The following GCC2 variants were observed in gnomAD, a reference collection of about 807,000 sequenced individuals.
GCC2 encodes GRIP and coiled-coil domain-containing protein 2.
GCC2 carries 120 observed loss-of-function variants against 210.6 expected under a neutral mutation model. That is an observed-to-expected ratio of 0.57 (90% CI 0.49 to 0.66). The LOEUF (loss-of-function observed/expected upper bound fraction) is 0.66. GCC2 is among the 30% of genes least tolerant of loss of function. The pLI, the probability that GCC2 is intolerant of heterozygous loss-of-function variation, is 0.00. For synonymous variants in GCC2, 703 were observed against 652.7 expected, an observed-to-expected ratio of 1.08 and a Z score of -1.17; for missense variants, 1,868 against 1,871.9, an observed-to-expected ratio of 1.00 and a Z score of 0.04.
chr2:108,481,727 G>C lies in GCC2; in HGVS notation c.3091G>C (p.Glu1031Gln), dbSNP rs1309185054. 1.9e-6 allele frequency: 3 copies of C among 1,601,788 alleles called. No homozygotes were observed. The African/African-American group carries it at 4.0e-5, about 22-fold the overall frequency. ...NLLLEYEKQS[E>Q]QLDVEKERAN... The stretch of plus-strand genomic sequence containing the variant: ...TTTATTAGAATATGAAAAGCAGTCA[G>C]AGCAACTGGATGTGGAAAAAGAACG... Residue 1031 changes from glutamate to glutamine, a missense_variant, in exon 10 of 23, where the codon GAG becomes CAG. Physicochemically the swap from Glu to Gln is conservative, Grantham distance 29. This residue lies in a region of GCC2 where 1,847 missense variants were observed against 1,765.2 expected (regional missense o/e 1.05). Transcript: ENST00000309863.
chr2:108,503,150 A>C (rs1683011718), intron 22 of GCC2, among the ~76,000 whole-genome samples: 2 of 145,248 alleles, frequency 1.4e-5, no homozygotes, highest in South Asian at 4.4e-4. Context: ...AAAACCCAAT[A>C]AAATCTCAAG....
intron 21 of GCC2, among the ~76,000 whole-genome samples, chr2:108,498,183 C>CTTTTTTTTTTTTTTTTTTTTTTTTTTT (rs3084885): frequency 1.7e-5 from 1 of 57,466 alleles, no homozygotes. Context: ...GTTATATTTT[C>CTTTTTTTTTTTTTTTTTTTTTTTTTTT]TTTTTTTTTT....
chr2:108,481,481 C>A (rs1190550556), intron 9 of GCC2, among the ~76,000 whole-genome samples: 1 of 151,962 alleles, frequency 6.6e-6, no homozygotes, highest in Non-Finnish European at 1.5e-5. Flanking sequence ...TTAAAATTTT[C>A]TTCTTCTTTC....
At chr2:108,469,136 C>A in intron 5 of GCC2, 52 bp downstream of exon 5, 1 of 1,049,350 alleles carries the variant, frequency 9.5e-7, no homozygotes, top group South Asian at 1.4e-5. Context: ...ATAGTGTAGT[C>A]ATTAATTTTA....
At position 108,454,100 on chromosome 2, in the gene GCC2, C is replaced by T. The variant is rs13408353; in HGVS notation, c.216+1634C>T. Among the ~76,000 whole-genome samples the T allele has an allele frequency of 9.3e-3, 1,415 of 152,228 alleles. 22 individuals are homozygous for T. Among genetic ancestry groups the T allele is most frequent in the Middle Eastern group, 0.031 (9 of 294 alleles). On this transcript the variant is annotated intron_variant, in intron 4 of 22. Coordinates refer to ENST00000309863, the MANE Select transcript of GCC2 (RefSeq NM_181453.4). ...CCGCCTCCTGGGTTGACGCCATTCT[C>T]CTGCCTCAGCCTCCCAAGTAGCTGG...
At chr2:108,484,420 G>GT in intron 13 of GCC2, 109 bp downstream of exon 13, 3 of 618,870 alleles carry the variant, frequency 4.8e-6, no homozygotes, top group Non-Finnish European at 8.3e-6. Context: ...TCAGTCAGGT[G>GT]TTTAACACAG....
rs1005737514 is a variant in GCC2, at chr2:108,484,245, A to G, written c.3547A>G (p.Ile1183Val). ...NQKLTNKNNK[I>V]EDLEQEIKIQ... ...AAAGTTAACTAATAAAAACAACAAG[A>G]TAGAAGATTTGGAGCAAGAAATAAA... The change falls in exon 13 of 23, where the codon ATA becomes GTA. Residue 1183 changes from isoleucine to valine, a missense_variant. Ile to Val is a conservative substitution (Grantham distance 29). Coordinates refer to ENST00000309863, the MANE Select transcript of GCC2 (RefSeq NM_181453.4). 1.9e-6 allele frequency: 3 copies of G among 1,576,868 alleles called. No homozygotes were observed. The highest frequency in any genetic ancestry group is 1.2e-5 in the South Asian group (1 of 86,380).
intron 9 of GCC2, among the ~76,000 whole-genome samples, chr2:108,476,439 A>G (rs1255027834): frequency 6.6e-6 from 1 of 152,128 alleles, no homozygotes; most frequent in Non-Finnish European, 1.5e-5. Flanking sequence ...CAAAAAGATA[A>G]CCTATTCCTA....
In GCC2 at chr2:108,451,037, T is replaced by C. The variant is rs1649010350; in HGVS notation, c.73T>C (p.Leu25=). 4 of 1,610,310 alleles carry C rather than the reference T, an allele frequency of 2.5e-6. No homozygotes were observed. In the East Asian group the frequency reaches 8.9e-5, roughly 36 times the overall value. ...TGACCACATCTTTCAGCTGGAAACATTGCCCAAAGAAGACCTCATCAAGTT... is the reference window on the plus strand; with the variant it reads ...TGACCACATCTTTCAGCTGGAAACACTGCCCAAAGAAGACCTCATCAAGTT... ...PGTGKSKLET[L]PKEDLIKFAK... The change falls in exon 3 of 23, where the codon TTG becomes CTG. Residue 25 remains leucine, a synonymous_variant. Transcript: ENST00000309863.
rs1485361240 is a variant in GCC2, at chr2:108,471,069, C to G, written c.1740C>G (p.Thr580=). The G allele has an allele frequency of 2.5e-6, 4 of 1,581,784 alleles. No individual in the cohort carries two copies. The South Asian group carries it at 4.5e-5, about 18-fold the overall frequency. Residue 580 remains threonine (T), a synonymous_variant, in exon 6 of 23, where the codon ACC becomes ACG. Coordinates refer to ENST00000309863, the MANE Select transcript of GCC2 (RefSeq NM_181453.4). ...TACTTAGTCTCAGTCAAAGAGATAC[C>G]ATGTTAAAAGAATTAGAAGGAAAGA... is the stretch of plus-strand genomic sequence containing the variant. ...VYLLSLSQRD[T]MLKELEGKIN...
intron 4 of GCC2, among the ~76,000 whole-genome samples, chr2:108,455,354 G>A (rs1050640287): frequency 6.6e-6 from 1 of 152,010 alleles, no homozygotes; most frequent in Non-Finnish European, 1.5e-5. Flanking sequence ...CAGAAGAATC[G>A]CTTGAACCGA....
chr2:108,472,782 G>A (rs1681304869), intron 6 of GCC2, 45 bp from the exon 7 acceptor site: 1 of 1,092,560 alleles, frequency 9.2e-7, no homozygotes, highest in Admixed American at 2.0e-5. Context: ...TTCTGATTCT[G>A]GTTTTTGTTT....
Position 108,468,067 on chromosome 2 carries a change from C to CT in GCC2, c.217-901dup, listed in dbSNP as rs55803150. ...AGTTATTCATAATAATTTTCTTTTT[C>CT]TTTTTTTTTTTTGACACATAGTCTT... is the stretch of plus-strand genomic sequence containing the variant. On this transcript the variant is annotated intron_variant, in intron 4 of 22. Coordinates refer to ENST00000309863, the MANE Select transcript of GCC2 (RefSeq NM_181453.4). Among the ~76,000 whole-genome samples the CT allele has an allele frequency of 6.1e-3, 886 of 144,716 alleles. 3 individuals carry two copies. The highest frequency in any genetic ancestry group is 0.021 in the African/African-American group (836 of 39,406). 94.9% of individuals were successfully genotyped at this position (144,716 alleles called of 152,430 possible).
chr2:108,481,426 TAATG>T (rs1328070652), intron 9 of GCC2, among the ~76,000 whole-genome samples: 2 of 152,220 alleles, frequency 1.3e-5, no homozygotes, highest in African/African-American at 4.8e-5. Flanking sequence ...TCATTTTTGT[TAATG>T]AGTAGAATAT....
intron 7 of GCC2, among the ~76,000 whole-genome samples, chr2:108,473,605 G>A (rs532285722): frequency 6.6e-5 from 10 of 152,180 alleles, no homozygotes; most frequent in Middle Eastern, 3.4e-3. Context: ...ATCAGGAAAC[G>A]AAGACTTAGA....
At chr2:108,462,391 G>A (rs1175159062) in intron 4 of GCC2, among the ~76,000 whole-genome samples, 8 of 146,162 alleles carry the variant, frequency 5.5e-5, no homozygotes, top group Non-Finnish European at 9.0e-5. Flanking sequence ...CTACTCAGGA[G>A]GCTGAGGCAG....
At chr2:108,464,078 C>T (rs549455246) in intron 4 of GCC2, among the ~76,000 whole-genome samples, 3 of 151,708 alleles carry the variant, frequency 2.0e-5, no homozygotes, top group Admixed American at 1.3e-4. Context: ...GTAAAGATGC[C>T]GGCTGTGGTT....
At chr2:108,462,230 C>T (rs1379292919) in intron 4 of GCC2, among the ~76,000 whole-genome samples, 2 of 147,462 alleles carry the variant, frequency 1.4e-5, no homozygotes, top group Non-Finnish European at 3.0e-5. Context: ...CAGTGGCTCA[C>T]GCCTGTAATC....
At chr2:108,502,365 G>A (rs998835079) in intron 22 of GCC2, among the ~76,000 whole-genome samples, 1 of 152,122 alleles carries the variant, frequency 6.6e-6, no homozygotes, top group African/African-American at 2.4e-5. Context: ...TGATTTAGAA[G>A]TTCTAAAAGA....
Sources: allele counts gnomAD v4.1 joint callset (sites outside exome capture counted in the v4.1 genomes callset), GRCh38; gene constraint gnomAD v4.1.1; regional missense constraint gnomAD v4.1.1; transcripts MANE v1.5; gene names NCBI Gene and HGNC (gene_info 2026-07-23, HGNC 2026-07-21).